The following NRG3 variants were observed in gnomAD, a reference collection of about 807,000 sequenced individuals.
The protein encoded by NRG3 is pro-neuregulin-3, membrane-bound isoform.
In NRG3, 31 loss-of-function variants were observed where a neutral mutation model predicts 66.9. That is an observed-to-expected ratio of 0.46 (90% CI 0.35 to 0.63). NRG3 has a LOEUF of 0.63. NRG3 is among the 20% of genes least tolerant of loss of function. The pLI, the probability that NRG3 is intolerant of heterozygous loss-of-function variation, is 0.00. For missense variants in NRG3, 910 were observed against 878.9 expected (o/e 1.04, Z -0.45); for synonymous variants, 393 against 359.4 (o/e 1.09, Z -1.06).
At chr10:82,401,638 T>G (rs1389133492) in intron 2 of NRG3, among the ~76,000 whole-genome samples, 1 of 152,148 alleles carries the variant, frequency 6.6e-6, no homozygotes, top group Admixed American at 6.6e-5. Flanking sequence ...GTTAGTAAAA[T>G]TTTTAATAAT....
chr10:82,543,526 CT>C (rs1055245328), intron 2 of NRG3, among the ~76,000 whole-genome samples: 2 of 152,024 alleles, frequency 1.3e-5, no homozygotes, highest in Non-Finnish European at 2.9e-5. Flanking sequence ...AAATCAGAAA[CT>C]TTTTTTGAAC....
chr10:82,700,829 G>T (rs1027347263), intron 2 of NRG3, among the ~76,000 whole-genome samples: 1 of 152,008 alleles, frequency 6.6e-6, no homozygotes. Context: ...TAAATAATTG[G>T]CCAATTAAAT....
At chr10:82,825,820 G>GAGAAATAAAT (rs2062177675) in intron 3 of NRG3, among the ~76,000 whole-genome samples, 3 of 152,266 alleles carry the variant, frequency 2.0e-5, no homozygotes, top group Admixed American at 1.3e-4. Flanking sequence ...CCTATTACAT[G>GAGAAATAAAT]AGAAATAAAT....
At chr10:82,316,935 C>T (rs1440752479) in intron 1 of NRG3, among the ~76,000 whole-genome samples, 1 of 152,140 alleles carries the variant, frequency 6.6e-6, no homozygotes, top group Non-Finnish European at 1.5e-5. Context: ...ACTTGTCACC[C>T]TTGAGACCCT....
At chr10:82,548,523 T>TCACACACACA (rs59459683) in intron 2 of NRG3, among the ~76,000 whole-genome samples, 6 of 139,460 alleles carry the variant, frequency 4.3e-5, no homozygotes, top group Non-Finnish European at 9.6e-5. Flanking sequence ...ATTCTGTCTC[T>TCACACACACA]CACACACACA....
At chr10:82,672,359 T>G (rs1195426664) in intron 2 of NRG3, among the ~76,000 whole-genome samples, 1 of 152,120 alleles carries the variant, frequency 6.6e-6, no homozygotes, top group Non-Finnish European at 1.5e-5. Context: ...CTTTTTATAT[T>G]GATTTTAAGG....
intron 1 of NRG3, among the ~76,000 whole-genome samples, chr10:82,246,339 A>C (rs1344105481): frequency 6.6e-6 from 1 of 152,160 alleles, no homozygotes; most frequent in African/African-American, 2.4e-5. Context: ...TGCTTTAGTA[A>C]TCATTCAGAC....
chr10:82,852,476 AGT>A (rs2063608390), intron 3 of NRG3, among the ~76,000 whole-genome samples: 1 of 152,110 alleles, frequency 6.6e-6, no homozygotes, highest in Non-Finnish European at 1.5e-5. Flanking sequence ...AACTAATAAT[AGT>A]AAAATAAAAT....
chr10:82,362,849 AAG>A (rs2084276751), intron 2 of NRG3, among the ~76,000 whole-genome samples: 1 of 152,142 alleles, frequency 6.6e-6, no homozygotes, highest in South Asian at 2.1e-4. Context: ...ATAGAATCAG[AAG>A]TGTATGTTGA....
At chr10:81,962,536 C>A (rs1044176031) in intron 1 of NRG3, among the ~76,000 whole-genome samples, 4 of 152,326 alleles carry the variant, frequency 2.6e-5, no homozygotes, top group Non-Finnish European at 5.9e-5. Context: ...ATGTTCCCGT[C>A]TCCCTAAACA....
intron 6 of NRG3, among the ~76,000 whole-genome samples, chr10:82,967,439 T>C (rs1190686724): frequency 6.6e-6 from 1 of 152,134 alleles, no homozygotes; most frequent in Non-Finnish European, 1.5e-5. Flanking sequence ...TGTCTATTAT[T>C]CATTTACTTA....
intron 2 of NRG3, among the ~76,000 whole-genome samples, chr10:82,608,829 CT>C (rs1337981854): frequency 1.3e-5 from 2 of 152,112 alleles, no homozygotes; most frequent in East Asian, 1.9e-4. Context: ...CCCCTGCCCC[CT>C]GACTCACACA....
intron 2 of NRG3, among the ~76,000 whole-genome samples, chr10:82,443,830 G>T (rs2090567637): frequency 6.6e-6 from 1 of 152,120 alleles, no homozygotes; most frequent in Admixed American, 6.5e-5. Flanking sequence ...TCAAACCCTG[G>T]AAACTCACTA....
At chr10:82,195,437 G>A (rs2074393855) in intron 1 of NRG3, among the ~76,000 whole-genome samples, 1 of 152,136 alleles carries the variant, frequency 6.6e-6, no homozygotes, top group South Asian at 2.1e-4. Context: ...TGGGACTCAA[G>A]TACTATCAGC....
At chr10:82,221,648 A>G (rs1214027962) in intron 1 of NRG3, among the ~76,000 whole-genome samples, 3 of 152,198 alleles carry the variant, frequency 2.0e-5, no homozygotes, top group Non-Finnish European at 2.9e-5. Flanking sequence ...TTAAAAACAA[A>G]AGGAAATAAC....
intron 2 of NRG3, among the ~76,000 whole-genome samples, chr10:82,431,024 C>A (rs144830219): frequency 3.3e-5 from 5 of 152,232 alleles, no homozygotes; most frequent in African/African-American, 1.2e-4. Context: ...ATATGTTAGA[C>A]CTTTTCAAAG....
chr10:82,509,091 T>G (rs1169814351), intron 2 of NRG3, among the ~76,000 whole-genome samples: 3 of 152,136 alleles, frequency 2.0e-5, no homozygotes, highest in African/African-American at 4.8e-5. Context: ...AGGTGAACAT[T>G]CCTAAACCCA....
At chr10:82,397,386 A>G (rs2086782336) in intron 2 of NRG3, among the ~76,000 whole-genome samples, 1 of 152,232 alleles carries the variant, frequency 6.6e-6, no homozygotes, top group Admixed American at 6.5e-5. Context: ...GTATACATTG[A>G]AAAGCAAACT....
At position 81,875,657 on chromosome 10, in the gene NRG3, A is replaced by T; in HGVS notation, c.317A>T (p.Lys106Met). Residue 106 changes from lysine to methionine, a missense_variant, in exon 1 of 9, where the codon AAG (lysine) becomes ATG (methionine). Transcript: ENST00000372141. This position sits in a 1 kb window ranked among gnomAD's most constrained non-coding sequence, Gnocchi z 5.3. Reference sequence around the variant, plus strand: ...GTGCCCACCGACCTAGTGGACTCCAAGGGGATGGGCCAGGACCCCTTCTTC... The same window carrying T: ...GTGCCCACCGACCTAGTGGACTCCATGGGGATGGGCCAGGACCCCTTCTTC... ...EYVPTDLVDS[K>M]GMGQDPFFLS... 1 of 1,613,870 alleles carries T rather than the reference A, an allele frequency of 6.2e-7. No homozygotes were observed. The highest frequency in any genetic ancestry group is 8.5e-7 in the Non-Finnish European group (1 of 1,179,946).
Sources: allele counts gnomAD v4.1 joint callset (sites outside exome capture counted in the v4.1 genomes callset), GRCh38; gene constraint gnomAD v4.1.1; non-coding constraint Gnocchi (gnomAD v3.1); transcripts MANE v1.5; gene names NCBI Gene and HGNC (gene_info 2026-07-23, HGNC 2026-07-21).